Variants in GRID1 observed in about 807,000 individuals in gnomAD.
The protein encoded by GRID1 is glutamate receptor ionotropic, delta-1.
GRID1 carries 28 observed loss-of-function variants against 98.0 expected under a neutral mutation model. The observed-to-expected ratio is 0.29, with a 90% CI of 0.21 to 0.39. The LOEUF is 0.39. GRID1 is among the 10% of genes least tolerant of loss of function. The probability of loss-of-function intolerance (pLI) is 1.00; values close to 1 mark genes in which losing one functional copy is unlikely to be tolerated. For synonymous variants in GRID1, 553 were observed against 538.5 expected (o/e 1.03, Z -0.37); for missense variants, 1,111 against 1,340.5 (o/e 0.83, Z 2.67).
rs149507902 is a variant in GRID1 at position 86,280,005 on chromosome 10, C to T, written c.236-73357G>A. On this transcript the variant is annotated intron_variant, in intron 2 of 15. Transcript: ENST00000327946. ...ATCACTTGAGGCCAGGAGTTTGAGA[C>T]CAGCCTGGGCAACATAACAAGATCT... Among the ~76,000 whole-genome samples, 139 of 152,230 alleles carry T rather than the reference C, an allele frequency of 9.1e-4. 2 individuals are homozygous for T. The highest frequency in any genetic ancestry group is 3.1e-3 in the African/African-American group (128 of 41,542).
chr10:86,199,454 T>C (rs534461820), intron 3 of GRID1, among the ~76,000 whole-genome samples: 6 of 152,316 alleles, frequency 3.9e-5, no homozygotes, highest in African/African-American at 1.4e-4. Context: ...ACCACGGTGT[T>C]TGCTCCCCAC....
At chr10:85,666,713 A>G (rs1208749558) in intron 12 of GRID1, among the ~76,000 whole-genome samples, 1 of 152,152 alleles carries the variant, frequency 6.6e-6, no homozygotes, top group East Asian at 1.9e-4. Context: ...GAGCTTCCCC[A>G]CTGTCATCAT....
At chr10:85,644,714 GT>G (rs1356239513) in intron 13 of GRID1, among the ~76,000 whole-genome samples, 5 of 152,162 alleles carry the variant, frequency 3.3e-5, no homozygotes, top group Non-Finnish European at 7.3e-5. Flanking sequence ...GGGCCATACA[GT>G]ATGTAAGTGT....
In GRID1 at chr10:86,276,954, G is replaced by C. The variant is rs574542027; in HGVS notation, c.236-70306C>G. Among the ~76,000 whole-genome samples, 14 of 152,144 alleles carry C rather than the reference G, an allele frequency of 9.2e-5. No individual in the cohort carries two copies. The South Asian group carries it at 2.9e-3, about 32-fold the overall frequency. ...AGAGCCATTGTGTTAAATGAAAAAA[G>C]CCAGTCACCAAGGACAAATATTGTA... On this transcript the variant is annotated intron_variant, in intron 2 of 15. Coordinates refer to ENST00000327946, the MANE Select transcript of GRID1 (RefSeq NM_017551.3).
chr10:85,653,143 A>T (rs535924124), intron 12 of GRID1, among the ~76,000 whole-genome samples: 1 of 152,334 alleles, frequency 6.6e-6, no homozygotes, highest in East Asian at 1.9e-4. Context: ...AAAAAGGAAA[A>T]GCAGTCTTGA....
chr10:86,280,318 A>G (rs1847338569), intron 2 of GRID1, among the ~76,000 whole-genome samples: 2 of 152,250 alleles, frequency 1.3e-5, no homozygotes, highest in African/African-American at 4.8e-5. Context: ...GACTAGTCTG[A>G]CAAAATTTCC....
chr10:85,761,256 T>C (rs1466117662), intron 8 of GRID1, among the ~76,000 whole-genome samples: 1 of 152,210 alleles, frequency 6.6e-6, no homozygotes, highest in African/African-American at 2.4e-5. Context: ...TCAAGTGTCA[T>C]GTGTTAAACA....
intron 4 of GRID1, among the ~76,000 whole-genome samples, chr10:86,028,954 A>G (rs1843150880): frequency 6.6e-6 from 1 of 152,178 alleles, no homozygotes; most frequent in Non-Finnish European, 1.5e-5. Flanking sequence ...TAGCCCTTAC[A>G]GCAACCCTTC....
intron 12 of GRID1, 55 bp from the exon 13 acceptor site, chr10:85,647,452 A>G: frequency 7.2e-7 from 1 of 1,384,984 alleles, no homozygotes. Context: ...TGCACACTGC[A>G]AGGATACAAA....
At chr10:86,139,900 C>A (rs949483650) in intron 3 of GRID1, among the ~76,000 whole-genome samples, 1 of 136,048 alleles carries the variant, frequency 7.4e-6, no homozygotes, top group Non-Finnish European at 1.6e-5. Flanking sequence ...GTTTTTTCAT[C>A]CAGTGCCAAA....
At chr10:85,911,230 G>A (rs1237853993) in intron 5 of GRID1, among the ~76,000 whole-genome samples, 3 of 152,142 alleles carry the variant, frequency 2.0e-5, no homozygotes, top group Non-Finnish European at 1.5e-5. Flanking sequence ...CCAGAAGGAT[G>A]GGGACAGTGG....
intron 4 of GRID1, among the ~76,000 whole-genome samples, chr10:85,985,190 T>C (rs919314080): frequency 6.6e-6 from 1 of 152,182 alleles, no homozygotes; most frequent in Non-Finnish European, 1.5e-5. Context: ...ATCTTCACAA[T>C]AGTAATAGAT....
At position 85,654,764 on chromosome 10, in the gene GRID1, C is replaced by T. The variant is rs74416411; in HGVS notation, c.1998-7367G>A. 4.3e-3 allele frequency among the ~76,000 whole-genome samples: 657 copies of T among 152,322 alleles called. 5 individuals are homozygous for T. Among genetic ancestry groups the T allele is most frequent in the African/African-American group, 0.014 (581 of 41,586 alleles). ...CACTCAGGGCCCATCAGTACTGAGG[C>T]TCCCACACCAAGGCAGGCTGGAGTT... On this transcript the variant is annotated intron_variant, in intron 12 of 15. Coordinates refer to ENST00000327946, the MANE Select transcript of GRID1 (RefSeq NM_017551.3).
chr10:86,190,055 C>T (rs904897632), intron 3 of GRID1, among the ~76,000 whole-genome samples: 2 of 152,126 alleles, frequency 1.3e-5, no homozygotes, highest in African/African-American at 2.4e-5. Context: ...GCAAGTCCAC[C>T]GCATGCCTTC....
chr10:86,333,171 G>T (rs1233039444), intron 2 of GRID1, among the ~76,000 whole-genome samples: 1 of 152,280 alleles, frequency 6.6e-6, no homozygotes, highest in Non-Finnish European at 1.5e-5. Flanking sequence ...CCCACAGATG[G>T]AGGTTTCTCA....
chr10:85,708,435 G>A (rs1028141876), intron 12 of GRID1, among the ~76,000 whole-genome samples: 3 of 151,834 alleles, frequency 2.0e-5, no homozygotes, highest in Non-Finnish European at 4.4e-5. Context: ...TTAATAAAAT[G>A]GGATCAGAAA....
chr10:85,654,731 A>G (rs1178955746), intron 12 of GRID1, among the ~76,000 whole-genome samples: 1 of 152,190 alleles, frequency 6.6e-6, no homozygotes, highest in Non-Finnish European at 1.5e-5. Context: ...GTCCGAGGCC[A>G]TCCCAGGCAC....
intron 4 of GRID1, among the ~76,000 whole-genome samples, chr10:86,034,055 T>C (rs890076351): frequency 2.6e-5 from 4 of 152,234 alleles, no homozygotes; most frequent in Non-Finnish European, 5.9e-5. Flanking sequence ...TAGCTTATTT[T>C]AAGTAAACTT....
intron 4 of GRID1, among the ~76,000 whole-genome samples, chr10:86,002,015 C>T (rs1380841995): frequency 2.0e-5 from 3 of 152,240 alleles, no homozygotes; most frequent in East Asian, 1.9e-4. Flanking sequence ...TCTCTGTGTC[C>T]GTGTCATTAC....
Sources: allele counts gnomAD v4.1 joint callset (sites outside exome capture counted in the v4.1 genomes callset), GRCh38; gene constraint gnomAD v4.1.1; transcripts MANE v1.5; gene names NCBI Gene and HGNC (gene_info 2026-07-23, HGNC 2026-07-21).